The following ZFAND2A variants were observed in gnomAD, a reference collection of about 807,000 sequenced individuals.
ZFAND2A encodes the protein zinc finger AN1-type containing 2A.
In ZFAND2A, 20 loss-of-function variants were observed where a neutral mutation model predicts 11.6. That is an observed-to-expected ratio of 1.72 (90% confidence interval 1.21 to 2.50). The LOEUF (loss-of-function observed/expected upper bound fraction) is 2.50. ZFAND2A is among the 30% of genes most tolerant of loss of function. The probability of loss-of-function intolerance (pLI) is 0.00; values close to 1 mark genes in which losing one functional copy is unlikely to be tolerated. For missense variants in ZFAND2A, 234 were observed against 182.9 expected (o/e 1.28, Z -1.61); for synonymous variants, 93 against 60.6 (o/e 1.54, Z -2.48).
downstream of ZFAND2A, chr7:1,152,143 T>C (rs2128257018): frequency 7.3e-7 from 1 of 1,375,482 alleles, no homozygotes; most frequent in South Asian, 1.7e-5. Context: ...GTCGCACCAC[T>C]GGAGCATCGC....
At chr7:1,150,672 T>C (rs933750948), downstream of ZFAND2A, among the ~76,000 whole-genome samples, 1 of 152,176 alleles carries the variant, frequency 6.6e-6, no homozygotes, top group African/African-American at 2.4e-5. Flanking sequence ...TTTCTGCTCT[T>C]CAAACCTATA....
chr7:1,153,850 G>T (rs1334715706), intron 4 of ZFAND2A, among the ~76,000 whole-genome samples: 2 of 152,190 alleles, frequency 1.3e-5, no homozygotes, highest in Non-Finnish European at 2.9e-5. Context: ...GGAGGCTGAG[G>T]CAGGAGAATT....
chr7:1,153,195 G>A lies in ZFAND2A; in HGVS notation c.312C>T (p.Gly104=), dbSNP rs374728551. Reference sequence around the variant, plus strand: ...TCTGCAGCATCTCTTTCTTCTTGCAGCCCTCTTTTGAGCAACGGTATGTAA... The same window carrying A: ...TCTGCAGCATCTCTTTCTTCTTGCAACCCTCTTTTGAGCAACGGTATGTAA... ...KIFTYRCSKE[G]CKKKEMLQMV... Residue 104 remains glycine, a synonymous_variant, in exon 5 of 5, where the codon GGC becomes GGT. Coordinates refer to ENST00000316495, the MANE Select transcript of ZFAND2A (RefSeq NM_182491.4). 10 of 1,613,872 alleles carry A rather than the reference G, an allele frequency of 6.2e-6. No individual in the cohort carries two copies. Among genetic ancestry groups the A allele is most frequent in the African/African-American group, 1.3e-5 (1 of 74,910 alleles).
downstream of ZFAND2A, among the ~76,000 whole-genome samples, chr7:1,148,960 TCTGG>T (rs1296875399): frequency 2.0e-5 from 3 of 150,446 alleles, no homozygotes; most frequent in African/African-American, 7.4e-5. Context: ...GCACCATCTG[TCTGG>T]CTATTTATTT....
chr7:1,148,979 TGAGA>T (rs1247903608), downstream of ZFAND2A, among the ~76,000 whole-genome samples: 47 of 151,836 alleles, frequency 3.1e-4, no homozygotes, highest in African/African-American at 1.1e-3. Context: ...TTATTTTTTT[TGAGA>T]GACAACGTCT....
intron 4 of ZFAND2A, among the ~76,000 whole-genome samples, chr7:1,154,658 C>T (rs776765717): frequency 7.2e-5 from 11 of 152,220 alleles, no homozygotes; most frequent in South Asian, 2.1e-4. Flanking sequence ...TTTTGTGTGG[C>T]AGACTAAGGA....
chr7:1,159,900 C>T (rs1426958610), intron 1 of ZFAND2A, 64 bp downstream of exon 1: 2 of 175,440 alleles, frequency 1.1e-5, no homozygotes, highest in Admixed American at 6.5e-5. Context: ...AACCCCCGAG[C>T]AACCTGACCT....
downstream of ZFAND2A, among the ~76,000 whole-genome samples, chr7:1,149,078 A>T (rs995513425): frequency 6.6e-6 from 1 of 152,124 alleles, no homozygotes; most frequent in African/African-American, 2.4e-5. Context: ...GATTACGGGC[A>T]TAAGCCACTG....
chr7:1,159,375 C>T (rs1793619289), intron 1 of ZFAND2A, among the ~76,000 whole-genome samples: 1 of 152,334 alleles, frequency 6.6e-6, no homozygotes, highest in East Asian at 1.9e-4. Flanking sequence ...GTGGCTGTCA[C>T]TCGGCTGGCG....
At chr7:1,152,800 C>G, downstream of ZFAND2A, 1 of 571,268 alleles carries the variant, frequency 1.8e-6, no homozygotes, top group Non-Finnish European at 3.2e-6. Context: ...CATCCTGCGC[C>G]TGGACCTCCA....
At position 1,158,925 on chromosome 7, in the gene ZFAND2A, G is replaced by T. The variant is rs532547291; in HGVS notation, c.-45-668C>A. Among the ~76,000 whole-genome samples the T allele has an allele frequency of 4.6e-5, 7 of 152,020 alleles. No homozygotes were observed. The East Asian group carries it at 9.7e-4, about 21-fold the overall frequency. ...GGGGCTCACGAGGTCCCGTCATCTAGTACTCACCAGCCCCTCCCGGGGCCT... is the reference window on the plus strand; with the variant it reads ...GGGGCTCACGAGGTCCCGTCATCTATTACTCACCAGCCCCTCCCGGGGCCT... On this transcript the variant is annotated intron_variant, in intron 1 of 4. Transcript: ENST00000316495.
chr7:1,157,404 C>T (rs1048968579), intron 3 of ZFAND2A: 49 of 343,384 alleles, frequency 1.4e-4, no homozygotes, highest in Non-Finnish European at 2.4e-4. Flanking sequence ...AACTAAGTGA[C>T]TCCATGAGTC....
At chr7:1,151,354 C>T (rs543456188), downstream of ZFAND2A, among the ~76,000 whole-genome samples, 2 of 151,202 alleles carry the variant, frequency 1.3e-5, no homozygotes, top group African/African-American at 4.9e-5. Flanking sequence ...CAAGAACCCT[C>T]GGCCAGGCAG....
At chr7:1,159,870 C>G (rs4999286) in intron 1 of ZFAND2A, 94 bp downstream of exon 1, 22,203 of 59,386 alleles carry the variant, frequency 0.37, 7,873 homozygotes, top group African/African-American at 0.62. Flanking sequence ...TCAGCAGCCG[C>G]ACTCCTAGCA....
chr7:1,154,616 G>C (rs533529108), intron 4 of ZFAND2A, among the ~76,000 whole-genome samples: 1 of 152,248 alleles, frequency 6.6e-6, no homozygotes, highest in Non-Finnish European at 1.5e-5. Flanking sequence ...GGGCCAGAAA[G>C]TGGGGACCAG....
rs1263681860 is a variant in ZFAND2A at position 1,158,853 on chromosome 7, TC to T, written c.-45-597del. 4.6e-5 allele frequency among the ~76,000 whole-genome samples: 7 copies of T among 151,770 alleles called. No individual in the cohort carries two copies. In the East Asian group the frequency reaches 1.4e-3, roughly 29 times the overall value. On this transcript the variant is annotated intron_variant, in intron 1 of 4. Coordinates refer to ENST00000316495, the MANE Select transcript of ZFAND2A (RefSeq NM_182491.4). Reference sequence around the variant, plus strand: ...AGAGAGAATCAAGGGGCTCACGAGGTCCCCTCCATGATCTAGTACCCACCAG... The same window carrying T: ...AGAGAGAATCAAGGGGCTCACGAGGTCCCTCCATGATCTAGTACCCACCAG...
downstream of ZFAND2A, among the ~76,000 whole-genome samples, chr7:1,151,113 C>A (rs1793389489): frequency 6.6e-6 from 1 of 152,102 alleles, no homozygotes; most frequent in African/African-American, 2.4e-5. Flanking sequence ...GTCTCAAACT[C>A]CTGACCTCAG....
chr7:1,153,248 C>T lies in ZFAND2A; in HGVS notation c.283-24G>A, dbSNP rs767351048. The T allele has an allele frequency of 5.0e-6, 8 of 1,604,164 alleles. No homozygotes were observed. The Admixed American group carries it at 6.7e-5, about 13-fold the overall frequency. ...ATCTAAGAGAGCAAAGTGACTTCAA[C>T]AAGCAATTCTTTTTTTGGAGACAGG... On this transcript the variant is annotated intron_variant, in intron 4 of 4. Coordinates refer to ENST00000316495, the MANE Select transcript of ZFAND2A (RefSeq NM_182491.4).
chr7:1,152,473 C>A, downstream of ZFAND2A: 5 of 1,147,338 alleles, frequency 4.4e-6, no homozygotes, highest in Non-Finnish European at 6.0e-6. Context: ...CCAGGTGCAA[C>A]AGTTGAGGCA....
Sources: gnomAD v4.1 joint callset for allele counts (sites outside exome capture counted in the v4.1 genomes callset) on GRCh38, gnomAD v4.1.1 for gene constraint, MANE v1.5 for transcripts, NCBI Gene and HGNC (gene_info 2026-07-23, HGNC 2026-07-21) for gene names.